C2orf76: variants seen among roughly 807,000 people sequenced by gnomAD.
C2orf76 encodes the protein UPF0538 protein C2orf76.
In C2orf76, 23 loss-of-function variants were observed where a neutral mutation model predicts 16.9. That is an observed-to-expected ratio of 1.36 (90% CI 0.98 to 1.93). The LOEUF (loss-of-function observed/expected upper bound fraction) is 1.93. Ranked by LOEUF, C2orf76 falls within the 30% of genes most tolerant of loss-of-function variation. C2orf76 has a pLI of 0.00. For missense variants in C2orf76, 152 were observed against 152.6 expected (o/e 1.00, Z 0.02); for synonymous variants, 48 against 52.3 (o/e 0.92, Z 0.35).
rs547489701 is a variant in C2orf76 at position 119,311,490 on chromosome 2, C to A, written c.304+132G>T. On this transcript the variant is annotated intron_variant, in intron 5 of 5. Transcript: ENST00000334816. Reference sequence around the variant, plus strand: ...ATCATTCTCATCCTCCTCCTCTGAACAGTTACCGGGCAGTGTCAGGGGGAC... The same window carrying A: ...ATCATTCTCATCCTCCTCCTCTGAAAAGTTACCGGGCAGTGTCAGGGGGAC... The A allele has an allele frequency of 2.8e-4, 402 of 1,439,120 alleles. 7 individuals carry two copies. In the South Asian group the frequency reaches 5.2e-3, roughly 19 times the overall value. The allele number at this position is 1,439,120 out of a possible 1,614,324, so 89.1% of individuals were successfully genotyped here.
chr2:119,361,044 C>T (rs963927767), intron 1 of C2orf76, among the ~76,000 whole-genome samples: 1 of 152,158 alleles, frequency 6.6e-6, no homozygotes, highest in African/African-American at 2.4e-5. Context: ...ATATTGTTAC[C>T]TTACTTAAAT....
chr2:119,356,835 T>C (rs923672108), intron 1 of C2orf76, among the ~76,000 whole-genome samples: 4 of 151,146 alleles, frequency 2.6e-5, no homozygotes, highest in African/African-American at 4.9e-5. Context: ...GCTCTGCAAA[T>C]AGCGAAAGGA....
chr2:119,325,983 T>C (rs888952283), intron 2 of C2orf76, among the ~76,000 whole-genome samples: 3 of 152,226 alleles, frequency 2.0e-5, no homozygotes, highest in Non-Finnish European at 4.4e-5. Context: ...TAGTTCCTAA[T>C]AGTTCCTTGT....
intron 1 of C2orf76, among the ~76,000 whole-genome samples, chr2:119,347,158 C>T (rs570198406): frequency 2.0e-5 from 3 of 152,146 alleles, no homozygotes; most frequent in African/African-American, 7.2e-5. Flanking sequence ...GTGAATGAAT[C>T]GAGCCTCCAG....
chr2:119,293,895 C>T, the C2orf76 span, among the ~76,000 whole-genome samples: 1 of 151,892 alleles, frequency 6.6e-6, no homozygotes, highest in Admixed American at 6.6e-5. Flanking sequence ...AGAGGCTCAG[C>T]TGGAGTGTGT....
chr2:119,321,311 A>G (rs952537498), intron 2 of C2orf76, 107 bp from the exon 3 acceptor site: 2 of 652,730 alleles, frequency 3.1e-6, no homozygotes, highest in South Asian at 2.0e-5. Flanking sequence ...AGTTACCTTG[A>G]AAAACCTGAC....
At position 119,315,338 on chromosome 2, in the gene C2orf76, A is replaced by G. The variant is rs145650125; in HGVS notation, c.222+2128T>C. 4.6e-3 allele frequency among the ~76,000 whole-genome samples: 705 copies of G among 152,252 alleles called. 4 individuals are homozygous for G. Among genetic ancestry groups the G allele is most frequent in the South Asian group, 0.024 (115 of 4,818 alleles). ...CCCAGAAAATTAGGGAAATGGGGAA[A>G]ATGCCTTTTATGAATGAGTTCATTA... On this transcript the variant is annotated intron_variant, in intron 4 of 5. Transcript: ENST00000334816.
At chr2:119,335,422 G>A (rs957614826) in intron 2 of C2orf76, among the ~76,000 whole-genome samples, 1 of 152,196 alleles carries the variant, frequency 6.6e-6, no homozygotes, top group Non-Finnish European at 1.5e-5. Flanking sequence ...GGAGCATCCT[G>A]TAGTACCAGA....
intron 4 of C2orf76, among the ~76,000 whole-genome samples, chr2:119,316,129 A>G (rs1679165393): frequency 6.6e-6 from 1 of 152,234 alleles, no homozygotes. Flanking sequence ...TTAGATGTAT[A>G]TAATACACAA....
chr2:119,366,872 G>C (rs573357181), upstream of C2orf76: 9 of 781,164 alleles, frequency 1.2e-5, no homozygotes, highest in East Asian at 5.8e-5. Flanking sequence ...GCGCCGCGGC[G>C]GGGGCTGGGC....
the C2orf76 span, among the ~76,000 whole-genome samples, chr2:119,294,292 C>A: frequency 2.6e-5 from 4 of 152,166 alleles, no homozygotes; most frequent in African/African-American, 7.2e-5. Flanking sequence ...GCAACAGGAA[C>A]CTTTGGTGAC....
intron 3 of C2orf76, 97 bp from the exon 4 acceptor site, chr2:119,317,600 TG>T (rs1179099101): frequency 1.9e-4 from 165 of 878,984 alleles, no homozygotes; most frequent in Non-Finnish European, 2.8e-4. Flanking sequence ...AATTGAGAAA[TG>T]TAAGTCCTTG....
intron 4 of C2orf76, among the ~76,000 whole-genome samples, chr2:119,314,355 A>AT (rs796279585): frequency 6.6e-6 from 1 of 152,184 alleles, no homozygotes; most frequent in African/African-American, 2.4e-5. Context: ...TATGGGTTTA[A>AT]TTTTTTAATC....
chr2:119,315,009 G>C (rs776275242), intron 4 of C2orf76, among the ~76,000 whole-genome samples: 1 of 152,182 alleles, frequency 6.6e-6, no homozygotes, highest in Non-Finnish European at 1.5e-5. Flanking sequence ...GTGGTGAGGG[G>C]TGAGGAAGGA....
chr2:119,310,883 A>G (rs1298521060), intron 5 of C2orf76, among the ~76,000 whole-genome samples: 1 of 152,176 alleles, frequency 6.6e-6, no homozygotes, highest in Admixed American at 6.5e-5. Context: ...CAAAAAATAA[A>G]TAAATTAATA....
intron 4 of C2orf76, among the ~76,000 whole-genome samples, chr2:119,317,094 C>T (rs1266492983): frequency 6.6e-6 from 1 of 152,154 alleles, no homozygotes; most frequent in Non-Finnish European, 1.5e-5. Context: ...GCATCTGGCC[C>T]TTTTGTTCTG....
chr2:119,347,101 TG>T (rs1680228584), intron 1 of C2orf76, among the ~76,000 whole-genome samples: 1 of 152,204 alleles, frequency 6.6e-6, no homozygotes, highest in Non-Finnish European at 1.5e-5. Context: ...AACTTCAGCA[TG>T]GGTACATCTG....
chr2:119,331,023 G>A (rs1468220559), intron 2 of C2orf76, among the ~76,000 whole-genome samples: 1 of 151,956 alleles, frequency 6.6e-6, no homozygotes, highest in African/African-American at 2.4e-5. Context: ...GGTTTCAATA[G>A]ACTGATTTTT....
intron 3 of C2orf76, among the ~76,000 whole-genome samples, chr2:119,318,655 G>A (rs756655068): frequency 1.1e-4 from 16 of 151,624 alleles, no homozygotes; most frequent in Middle Eastern, 6.8e-3. Context: ...TCAGCCTCCC[G>A]AGCAGCTGGG....
Sources: allele counts gnomAD v4.1 joint callset (sites outside exome capture counted in the v4.1 genomes callset), GRCh38; gene constraint gnomAD v4.1.1; transcripts MANE v1.5; gene names NCBI Gene and HGNC (gene_info 2026-07-23, HGNC 2026-07-21).